Variants in RGS6 observed in about 807,000 individuals in gnomAD.
RGS6 encodes regulator of G-protein signaling 6.
A neutral mutation model predicts 78.5 loss-of-function variants in RGS6; 30 were observed. That is an observed-to-expected ratio of 0.38 (90% CI 0.29 to 0.52). The LOEUF (loss-of-function observed/expected upper bound fraction) is 0.52. RGS6 is among the 20% of genes least tolerant of loss of function. The probability of loss-of-function intolerance (pLI) is 0.85; values close to 1 mark genes in which losing one functional copy is unlikely to be tolerated. For synonymous variants in RGS6, 206 were observed against 206.0 expected, an observed-to-expected ratio of 1.00 and a Z score of 0.00; for missense variants, 495 against 609.7, an observed-to-expected ratio of 0.81 and a Z score of 1.98.
chr14:72,615,143 G>T, the RGS6 span, among the ~76,000 whole-genome samples: 3 of 152,152 alleles, frequency 2.0e-5, no homozygotes, highest in Non-Finnish European at 4.4e-5. Context: ...GAGAAGAAGG[G>T]GCTGCTTCTG....
rs1053182643 is a variant in RGS6 at position 72,511,115 on chromosome 14, C to T, written c.1091+836C>T. ...TGCAGAAAATGTGACTTATCTGAGA[C>T]TTATCTAGTGATCTTAGCAAACTGG... On this transcript the variant is annotated intron_variant, in intron 14 of 17. Transcript: ENST00000553525. 2.8e-4 allele frequency among the ~76,000 whole-genome samples: 43 copies of T among 151,956 alleles called. 1 individual carries two copies. Among genetic ancestry groups the T allele is most frequent in the Admixed American group, 6.5e-4 (10 of 15,270 alleles).
intron 2 of RGS6, among the ~76,000 whole-genome samples, chr14:72,315,359 A>G (rs1475110465): frequency 6.6e-6 from 1 of 152,228 alleles, no homozygotes; most frequent in Non-Finnish European, 1.5e-5. Context: ...GATATTGTGC[A>G]AAACTTTTTT....
chr14:72,102,295 C>T (rs1168652599), intron 2 of RGS6, among the ~76,000 whole-genome samples: 1 of 152,156 alleles, frequency 6.6e-6, no homozygotes, highest in East Asian at 1.9e-4. Flanking sequence ...CTTTTATCTT[C>T]TGCTTTACCA....
At chr14:71,876,123 T>A in the RGS6 span, among the ~76,000 whole-genome samples, 1 of 152,200 alleles carries the variant, frequency 6.6e-6, no homozygotes, top group South Asian at 2.1e-4. Flanking sequence ...TATATTCTGT[T>A]GATTTGGGGT....
chr14:72,038,574 A>G (rs982176390), intron 2 of RGS6, among the ~76,000 whole-genome samples: 5 of 152,006 alleles, frequency 3.3e-5, no homozygotes, highest in African/African-American at 7.3e-5. Flanking sequence ...TTAGCATTTT[A>G]TAGTTTTCAG....
At chr14:72,064,385 C>G (rs1404436275) in intron 2 of RGS6, among the ~76,000 whole-genome samples, 2 of 152,164 alleles carry the variant, frequency 1.3e-5, no homozygotes, top group East Asian at 3.9e-4. Context: ...GGCAGCTTTC[C>G]TCAAGCTTAA....
intron 17 of RGS6, among the ~76,000 whole-genome samples, chr14:72,546,645 C>T (rs2097408585): frequency 6.6e-6 from 1 of 152,230 alleles, no homozygotes; most frequent in Non-Finnish European, 1.5e-5. Flanking sequence ...GAGGCAGCTG[C>T]TCCTGGCTTT....
intron 2 of RGS6, among the ~76,000 whole-genome samples, chr14:72,220,785 C>T (rs1215335204): frequency 6.6e-6 from 1 of 152,264 alleles, no homozygotes; most frequent in South Asian, 2.1e-4. Flanking sequence ...GGTTGATGAA[C>T]TTGAACATCA....
chr14:72,108,217 A>G (rs1195605150), intron 2 of RGS6, among the ~76,000 whole-genome samples: 1 of 152,084 alleles, frequency 6.6e-6, no homozygotes, highest in African/African-American at 2.4e-5. Flanking sequence ...TCCTTGGCTT[A>G]TATTTTCTTT....
chr14:72,163,327 G>T (rs891432397), intron 2 of RGS6, among the ~76,000 whole-genome samples: 2 of 152,220 alleles, frequency 1.3e-5, no homozygotes, highest in African/African-American at 4.8e-5. Flanking sequence ...GTTGGTAAAA[G>T]AGAATGACTA....
At chr14:71,959,268 T>TAC (rs1400896929) in intron 1 of RGS6, among the ~76,000 whole-genome samples, 7 of 152,198 alleles carry the variant, frequency 4.6e-5, no homozygotes, top group African/African-American at 1.7e-4. Context: ...AAGCTCGTAC[T>TAC]ACTGAGCTAG....
chr14:71,893,185 A>G, the RGS6 span, among the ~76,000 whole-genome samples: 1 of 152,248 alleles, frequency 6.6e-6, no homozygotes, highest in Non-Finnish European at 1.5e-5. Context: ...TGTACTCCAG[A>G]GGCAAGTACA....
At chr14:72,004,398 G>T (rs1275858268) in intron 2 of RGS6, among the ~76,000 whole-genome samples, 1 of 152,160 alleles carries the variant, frequency 6.6e-6, no homozygotes, top group East Asian at 1.9e-4. Context: ...TCATAAAGAA[G>T]AAATTCAAAT....
intron 2 of RGS6, among the ~76,000 whole-genome samples, chr14:72,206,008 C>G (rs2042622420): frequency 6.6e-6 from 1 of 152,082 alleles, no homozygotes; most frequent in South Asian, 2.1e-4. Context: ...AACTCTACTT[C>G]TAGAAGTTAA....
At chr14:72,117,398 T>C (rs2095921580) in intron 2 of RGS6, among the ~76,000 whole-genome samples, 1 of 152,118 alleles carries the variant, frequency 6.6e-6, no homozygotes, top group African/African-American at 2.4e-5. Flanking sequence ...TTCTCTCTCT[T>C]GCTCCAGCTC....
At chr14:72,296,954 C>A (rs1268834562) in intron 2 of RGS6, among the ~76,000 whole-genome samples, 1 of 152,108 alleles carries the variant, frequency 6.6e-6, no homozygotes, top group African/African-American at 2.4e-5. Flanking sequence ...TTTTTATATA[C>A]AATATGTGGT....
downstream of RGS6, among the ~76,000 whole-genome samples, chr14:72,568,391 G>A (rs1424120458): frequency 6.6e-6 from 1 of 152,224 alleles, no homozygotes; most frequent in Non-Finnish European, 1.5e-5. Context: ...GGTGAAGGGA[G>A]GGTATGTTTG....
chr14:71,981,257 C>T (rs1174852771), intron 2 of RGS6, among the ~76,000 whole-genome samples: 2 of 152,122 alleles, frequency 1.3e-5, no homozygotes, highest in African/African-American at 2.4e-5. Flanking sequence ...CTTCTTCTCT[C>T]AGCTCATCAA....
At chr14:71,899,799 C>G in the RGS6 span, among the ~76,000 whole-genome samples, 1 of 152,180 alleles carries the variant, frequency 6.6e-6, no homozygotes, top group Non-Finnish European at 1.5e-5. Flanking sequence ...TCATTGGTCA[C>G]CTTACAGTTT....
Sources: gnomAD v4.1 joint callset for allele counts (sites outside exome capture counted in the v4.1 genomes callset) on GRCh38, gnomAD v4.1.1 for gene constraint, MANE v1.5 for transcripts, NCBI Gene and HGNC (gene_info 2026-07-23, HGNC 2026-07-21) for gene names.